ANKRD31: variants seen among roughly 807,000 people sequenced by gnomAD.
ANKRD31 encodes the protein ankyrin repeat domain 31, also known as ankyrin repeat domain-containing protein 31.
ANKRD31 carries 147 observed loss-of-function variants against 186.0 expected under a neutral mutation model. The observed-to-expected ratio is 0.79, with a 90% CI of 0.69 to 0.91. ANKRD31 has a LOEUF of 0.91. Among genes scored for constraint, ANKRD31 ranks in the 40% least tolerant of loss-of-function variants. The pLI is 0.00. For missense variants in ANKRD31, 1,986 were observed against 2,148.8 expected, an observed-to-expected ratio of 0.92 and a Z score of 1.50; for synonymous variants, 673 against 736.4, an observed-to-expected ratio of 0.91 and a Z score of 1.39.
chr5:75,189,709 T>G (rs986883957), intron 9 of ANKRD31, among the ~76,000 whole-genome samples: 2 of 152,218 alleles, frequency 1.3e-5, no homozygotes, highest in Non-Finnish European at 2.9e-5. Flanking sequence ...GGGAAAGCAT[T>G]TAATCTTTCA....
intron 11 of ANKRD31, among the ~76,000 whole-genome samples, chr5:75,161,342 CT>C (rs527424744): frequency 3.5e-4 from 53 of 152,286 alleles, no homozygotes; most frequent in African/African-American, 1.2e-3. Flanking sequence ...CATTTTGCCC[CT>C]GCCCTAGAGA....
At chr5:75,191,165 T>A (rs1305108215) in intron 9 of ANKRD31, among the ~76,000 whole-genome samples, 1 of 152,156 alleles carries the variant, frequency 6.6e-6, no homozygotes, top group Non-Finnish European at 1.5e-5. Context: ...AAATCTTTGA[T>A]CAATCTGAAA....
chr5:75,130,571 C>T (rs572809722), intron 17 of ANKRD31, among the ~76,000 whole-genome samples: 21 of 151,856 alleles, frequency 1.4e-4, no homozygotes, highest in South Asian at 6.3e-4. Context: ...AGACGTAGAG[C>T]GCTGATTGGT....
At chr5:75,162,606 A>G (rs1021459063) in intron 11 of ANKRD31, among the ~76,000 whole-genome samples, 14 of 152,090 alleles carry the variant, frequency 9.2e-5, no homozygotes, top group Non-Finnish European at 4.4e-5. Context: ...GAGATTTAGG[A>G]GGGGTCAGGG....
At chr5:75,230,531 G>A in intron 2 of ANKRD31, 31 bp downstream of exon 2, 3 of 1,493,030 alleles carry the variant, frequency 2.0e-6, no homozygotes, top group Non-Finnish European at 1.8e-6. Flanking sequence ...GGAAACTAAA[G>A]GGACTACTTA....
At chr5:75,199,261 T>C (rs1225343810) in intron 6 of ANKRD31, among the ~76,000 whole-genome samples, 1 of 152,146 alleles carries the variant, frequency 6.6e-6, no homozygotes, top group Admixed American at 6.6e-5. Context: ...GAGTTCATTG[T>C]AAGCAGAGCC....
At position 75,146,276 on chromosome 5, in the gene ANKRD31, TA is replaced by T; in HGVS notation, c.3134del (p.Leu1045Ter). The T allele has an allele frequency of 6.5e-7, 1 of 1,536,500 alleles. No individual in the cohort carries two copies. Among genetic ancestry groups the T allele is most frequent in the Non-Finnish European group, 8.7e-7 (1 of 1,146,436 alleles). On this transcript the variant is annotated frameshift_variant, in exon 14 of 26. Transcript: ENST00000506364. LOFTEE classifies it high-confidence loss of function. ...CAATATGTGTATCTGTTTGATTCATTAAAAAAGTTGGTGCTCTGGGAATATA... is the reference window on the plus strand; with the variant it reads ...CAATATGTGTATCTGTTTGATTCATTAAAAAGTTGGTGCTCTGGGAATATA... ...QDYIPRAPTFLMNQTDTHIVE... is the reference protein window; with the variant it reads ...QDYIPRAPTFXMNQTDTHIVE...
chr5:75,181,312 T>C (rs974829595), intron 10 of ANKRD31, among the ~76,000 whole-genome samples: 3 of 152,170 alleles, frequency 2.0e-5, no homozygotes, highest in Non-Finnish European at 2.9e-5. Flanking sequence ...TCAACCATTG[T>C]GGAAGTCGGT....
At chr5:75,115,479 A>G (rs376841428) in intron 19 of ANKRD31, among the ~76,000 whole-genome samples, 1 of 151,192 alleles carries the variant, frequency 6.6e-6, no homozygotes, top group Admixed American at 6.6e-5. Context: ...GCAACCTACA[A>G]AATGGGAGAA....
intron 17 of ANKRD31, among the ~76,000 whole-genome samples, chr5:75,134,108 G>A (rs1395356286): frequency 1.3e-5 from 2 of 151,982 alleles, no homozygotes; most frequent in African/African-American, 4.8e-5. Context: ...AAAAGAACTA[G>A]AGAAGCAAGA....
chr5:75,173,182 C>G (rs559688876), intron 10 of ANKRD31, among the ~76,000 whole-genome samples: 1 of 152,218 alleles, frequency 6.6e-6, no homozygotes, highest in African/African-American at 2.4e-5. Flanking sequence ...CAAAAAAATT[C>G]AACAGCCCTT....
intron 11 of ANKRD31, among the ~76,000 whole-genome samples, chr5:75,163,068 C>T (rs1324902345): frequency 6.6e-6 from 1 of 152,070 alleles, no homozygotes; most frequent in Non-Finnish European, 1.5e-5. Flanking sequence ...GCCAGTATTA[C>T]TATTAACAAT....
At chr5:75,201,791 C>A (rs1468489871) in intron 5 of ANKRD31, among the ~76,000 whole-genome samples, 1 of 152,164 alleles carries the variant, frequency 6.6e-6, no homozygotes, top group African/African-American at 2.4e-5. Flanking sequence ...GTGTTAACAT[C>A]AACACAGATC....
At chr5:75,207,467 A>T (rs1178191266) in intron 4 of ANKRD31, among the ~76,000 whole-genome samples, 1 of 152,170 alleles carries the variant, frequency 6.6e-6, no homozygotes, top group African/African-American at 2.4e-5. Flanking sequence ...AAATTATTAC[A>T]AATATTTATG....
At chr5:75,139,095 TATCA>T (rs1304066649) in intron 15 of ANKRD31, 112 bp from the exon 16 acceptor site, 4 of 1,144,348 alleles carry the variant, frequency 3.5e-6, no homozygotes, top group African/African-American at 1.6e-5. Context: ...CAGAAACATA[TATCA>T]ATTAATGTTA....
intron 4 of ANKRD31, among the ~76,000 whole-genome samples, chr5:75,208,898 C>A (rs1029595513): frequency 1.3e-5 from 2 of 152,188 alleles, no homozygotes; most frequent in African/African-American, 4.8e-5. Context: ...TATTGGGTAA[C>A]CACACTCCTG....
Position 75,172,263 on chromosome 5 carries a change from T to C in ANKRD31, c.1565-3142A>G, listed in dbSNP as rs568346481. Among the ~76,000 whole-genome samples the C allele has an allele frequency of 2.4e-4, 36 of 151,416 alleles. No homozygotes were observed. In the South Asian group the frequency reaches 7.3e-3, roughly 31 times the overall value. On this transcript the variant is annotated intron_variant, in intron 10 of 25. Coordinates refer to ENST00000506364, the MANE Select transcript of ANKRD31 (RefSeq NM_001372053.1). ...GGTTGGTTTAACATTTGAAAATCAA[T>C]AAAGCTAATTCACCACAGTAGTGAA...
At chr5:75,130,091 G>C (rs1228848977) in intron 17 of ANKRD31, among the ~76,000 whole-genome samples, 1 of 152,162 alleles carries the variant, frequency 6.6e-6, no homozygotes, top group African/African-American at 2.4e-5. Flanking sequence ...GACGTGTCCA[G>C]AGTTTCTTCC....
At chr5:75,200,078 G>T (rs1223383292) in intron 5 of ANKRD31, among the ~76,000 whole-genome samples, 1 of 152,044 alleles carries the variant, frequency 6.6e-6, no homozygotes, top group Non-Finnish European at 1.5e-5. Context: ...AGTTAGGCAT[G>T]AAAAGAAATG....
Sources: gnomAD v4.1 joint callset for allele counts (sites outside exome capture counted in the v4.1 genomes callset) on GRCh38, gnomAD v4.1.1 for gene constraint, MANE v1.5 for transcripts, NCBI Gene and HGNC (gene_info 2026-07-23, HGNC 2026-07-21) for gene names.